The following FBXL13 variants were observed in gnomAD, a reference collection of about 807,000 sequenced individuals.
FBXL13 encodes F-box and leucine-rich repeat protein 13.
A neutral mutation model predicts 83.6 loss-of-function variants in FBXL13; 67 were observed. The ratio of observed to expected loss-of-function variants is 0.80; its 90% confidence interval spans 0.66 to 0.98. The LOEUF (loss-of-function observed/expected upper bound fraction) is 0.98. Ranked by LOEUF, FBXL13 falls within the 50% of genes least tolerant of loss-of-function variation. The pLI is 0.00. For synonymous variants in FBXL13, 272 were observed against 299.5 expected (o/e 0.91, Z 0.95); for missense variants, 822 against 866.5 (o/e 0.95, Z 0.64).
At chr7:102,941,740 G>T (rs1413151717) in intron 8 of FBXL13, among the ~76,000 whole-genome samples, 16 of 149,582 alleles carry the variant, frequency 1.1e-4, no homozygotes, top group Non-Finnish European at 1.3e-4. Context: ...AAGTTTTAAA[G>T]CTGTCTCAAA....
intron 12 of FBXL13, 87 bp downstream of exon 13, chr7:102,884,127 C>T: frequency 1.1e-6 from 1 of 943,012 alleles, no homozygotes; most frequent in Non-Finnish European, 1.7e-6. Flanking sequence ...AATGAAAAGT[C>T]CATTCATATT....
At chr7:102,998,818 C>A (rs962277949) in intron 6 of FBXL13, among the ~76,000 whole-genome samples, 7 of 151,512 alleles carry the variant, frequency 4.6e-5, no homozygotes, top group African/African-American at 1.7e-4. Context: ...AAAATAATAA[C>A]AATAATAATA....
intron 11 of FBXL13, among the ~76,000 whole-genome samples, chr7:102,898,114 A>G (rs546445869): frequency 4.6e-5 from 7 of 152,240 alleles, no homozygotes; most frequent in Non-Finnish European, 7.4e-5. Context: ...AAAACTAACA[A>G]TATCAACTAA....
chr7:102,981,775 C>T (rs1465074648), intron 6 of FBXL13, among the ~76,000 whole-genome samples: 1 of 152,122 alleles, frequency 6.6e-6, no homozygotes, highest in African/African-American at 2.4e-5. Flanking sequence ...AGGGCTTTGC[C>T]CTCATGGCTT....
chr7:102,926,445 A>G (rs1211678705), intron 9 of FBXL13, 71 bp from the exon 11 acceptor site: 3 of 1,180,868 alleles, frequency 2.5e-6, no homozygotes, highest in East Asian at 2.6e-5. Flanking sequence ...TTATCTTTCT[A>G]TTATCCCTCT....
intron 17 of FBXL13, among the ~76,000 whole-genome samples, chr7:102,833,554 C>A (rs1365078037): frequency 4.7e-5 from 7 of 150,372 alleles, no homozygotes; most frequent in African/African-American, 1.7e-4. Context: ...GCCTCTTGTG[C>A]CTATTGGGAC....
At chr7:102,896,509 T>C (rs1022410573) in intron 11 of FBXL13, among the ~76,000 whole-genome samples, 2 of 152,188 alleles carry the variant, frequency 1.3e-5, no homozygotes, top group African/African-American at 2.4e-5. Flanking sequence ...TTGCTAGACA[T>C]GCTGTAATAA....
At chr7:102,874,815 C>T (rs1287285931) in intron 16 of FBXL13, among the ~76,000 whole-genome samples, 3 of 152,194 alleles carry the variant, frequency 2.0e-5, no homozygotes, top group Admixed American at 6.5e-5. Context: ...GACCCGCCTG[C>T]CTCAGTCTCC....
At position 103,055,750 on chromosome 7, in the gene FBXL13, A is replaced by C; in HGVS notation, c.-104-3T>G. ...ACAAGTATACCACATAACAGTGCCT[A>C]GGGGAAAAAAGGGAAATGGCATCAA... is the stretch of plus-strand genomic sequence containing the variant. On this transcript the variant is annotated splice_region_variant and splice_polypyrimidine_tract_variant and intron_variant, in intron 1 of 19. Transcript: ENST00000313221. 8.3e-7 allele frequency: 1 copy of C among 1,206,110 alleles called. No individual in the cohort carries two copies. The highest frequency in any genetic ancestry group is 1.1e-6 in the Non-Finnish European group (1 of 924,018). 74.7% of individuals were successfully genotyped at this position (1,206,110 alleles called of 1,614,324 possible).
intron 9 of FBXL13, among the ~76,000 whole-genome samples, chr7:102,931,151 A>C (rs942129579): frequency 1.3e-5 from 2 of 152,224 alleles, no homozygotes; most frequent in Non-Finnish European, 2.9e-5. Context: ...ACAAAGGGAA[A>C]GGGCATTTTA....
At chr7:102,855,638 C>T in intron 16 of FBXL13, among the ~76,000 whole-genome samples, 1 of 151,958 alleles carries the variant, frequency 6.6e-6, no homozygotes, top group Admixed American at 6.6e-5. Context: ...GTTGTTCCCC[C>T]CACCACCCCC....
At chr7:102,826,794 TAATA>T (rs1222853270) in intron 18 of FBXL13, among the ~76,000 whole-genome samples, 3 of 127,094 alleles carry the variant, frequency 2.4e-5, no homozygotes, top group South Asian at 2.4e-4. Context: ...TCTAATATAT[TAATA>T]TATATCTAAT....
At chr7:102,952,193 G>T (rs1038284213) in intron 8 of FBXL13, among the ~76,000 whole-genome samples, 2 of 152,124 alleles carry the variant, frequency 1.3e-5, no homozygotes, top group African/African-American at 4.8e-5. Context: ...GGACCTAGGA[G>T]GAGGGCAAAA....
At chr7:102,968,027 T>C in exon 7 of FBXL13, 1 of 1,611,446 alleles carries the variant, frequency 6.2e-7, no homozygotes, top group Non-Finnish European at 8.5e-7. Flanking sequence ...CTTACAGCAT[T>C]CCACAGTGAG....
intron 6 of FBXL13, among the ~76,000 whole-genome samples, chr7:103,021,702 C>A (rs551047560): frequency 1.3e-5 from 2 of 152,316 alleles, no homozygotes; most frequent in East Asian, 3.9e-4. Flanking sequence ...CAAAAGAAGA[C>A]ATTTATGCAG....
At chr7:102,989,260 G>T (rs1383996868) in intron 6 of FBXL13, among the ~76,000 whole-genome samples, 1 of 152,206 alleles carries the variant, frequency 6.6e-6, no homozygotes, top group Non-Finnish European at 1.5e-5. Context: ...AAAAGATAAT[G>T]AGGCCGCTTT....
intron 17 of FBXL13, 119 bp from the exon 19 acceptor site, chr7:102,833,093 G>T: frequency 9.7e-7 from 1 of 1,030,416 alleles, no homozygotes; most frequent in Non-Finnish European, 1.4e-6. Flanking sequence ...AGATCTTGAT[G>T]CCCCCAAAAA....
At chr7:103,029,284 T>C (rs1348271475) in intron 3 of FBXL13, 67 bp downstream of exon 4, 2 of 995,866 alleles carry the variant, frequency 2.0e-6, no homozygotes, top group Non-Finnish European at 3.0e-6. Context: ...AGTGAATTTT[T>C]CTTTGCACGG....
intron 19 of FBXL13, among the ~76,000 whole-genome samples, chr7:102,821,043 C>A (rs571181762): frequency 1.4e-4 from 21 of 152,254 alleles, no homozygotes; most frequent in Middle Eastern, 3.4e-3. Context: ...AAAATATAAT[C>A]AAAAAATTAG....
Sources: allele counts gnomAD v4.1 joint callset (sites outside exome capture counted in the v4.1 genomes callset), GRCh38; gene constraint gnomAD v4.1.1; transcripts MANE v1.5; gene names NCBI Gene and HGNC (gene_info 2026-07-23, HGNC 2026-07-21).